TEPSIN: variants seen among roughly 807,000 people sequenced by gnomAD.
TEPSIN encodes the protein AP-4 complex accessory subunit tepsin.
In TEPSIN, 50 loss-of-function variants were observed where a neutral mutation model predicts 48.5. The ratio of observed to expected loss-of-function variants is 1.03; its 90% confidence interval spans 0.82 to 1.31. TEPSIN has a LOEUF of 1.31. TEPSIN is among the 50% of genes most tolerant of loss of function. The probability of loss-of-function intolerance (pLI) is 0.00; values close to 1 mark genes in which losing one functional copy is unlikely to be tolerated. For synonymous variants in TEPSIN, 392 were observed against 358.8 expected (o/e 1.09, Z -1.05); for missense variants, 838 against 815.9 (o/e 1.03, Z -0.33).
intron 4 of TEPSIN, among the ~76,000 whole-genome samples, chr17:81,235,447 C>A (rs2062704187): frequency 1.3e-5 from 2 of 152,222 alleles, no homozygotes; most frequent in Admixed American, 1.3e-4. Context: ...CTGTGTGTCA[C>A]CCAGGGCCAG....
intron 1 of TEPSIN, chr17:81,238,533 TCC>T: frequency 1.2e-6 from 1 of 832,496 alleles, no homozygotes; most frequent in East Asian, 1.0e-4. Flanking sequence ...TCCTTCTCTG[TCC>T]CTTCGAGACG....
Position 81,233,420 on chromosome 17 carries a change from CT to C in TEPSIN, c.526+11del. 1.2e-6 allele frequency: 2 copies of C among 1,609,988 alleles called. No homozygotes were observed. Among genetic ancestry groups the C allele is most frequent in the Non-Finnish European group, 1.7e-6 (2 of 1,179,372 alleles). ...TGAGATGCCAGAGCCCATGCAGGCC[CT>C]CCCCACTCACCCGTGCGGCCGTGTT... On this transcript the variant is annotated intron_variant, in intron 7 of 12. Coordinates refer to ENST00000637944, the MANE Select transcript of TEPSIN (RefSeq NM_001363764.2). The surrounding 1 kb of genome is among the most constrained non-coding windows in gnomAD (Gnocchi z 5.8).
intron 4 of TEPSIN, among the ~76,000 whole-genome samples, chr17:81,235,715 TA>T (rs2062708548): frequency 6.6e-6 from 1 of 151,914 alleles, no homozygotes; most frequent in Non-Finnish European, 1.5e-5. Flanking sequence ...ATGGTGAGGA[TA>T]AATGGCTGGT....
In TEPSIN at chr17:81,229,456, G is replaced by T. The variant is rs1019124065; in HGVS notation, c.1254C>A (p.Ala418=). The change falls in exon 13 of 13, where the codon GCC becomes GCA. Residue 418 remains alanine (A), a synonymous_variant. Coordinates refer to ENST00000637944, the MANE Select transcript of TEPSIN (RefSeq NM_001363764.2). The part of the protein sequence containing the change: ...KATKILRHFE[A]SCGQLSPARG... Reference sequence around the variant, plus strand: ...GGGCAGGGGACAGCTGCCCACAGGAGGCCTCAAAGTGCCTCAGGATCTGAA... The same window carrying T: ...GGGCAGGGGACAGCTGCCCACAGGATGCCTCAAAGTGCCTCAGGATCTGAA... The T allele has an allele frequency of 1.3e-6, 2 of 1,549,532 alleles. No homozygotes were observed. The highest frequency in any genetic ancestry group is 1.2e-5 in the South Asian group (1 of 83,976).
In TEPSIN at chr17:81,228,883, C is replaced by T; in HGVS notation, c.*45G>A. The T allele has an allele frequency of 6.2e-7, 1 of 1,607,202 alleles. No homozygotes were observed. The highest frequency in any genetic ancestry group is 8.5e-7 in the Non-Finnish European group (1 of 1,178,054). On this transcript the variant is annotated 3_prime_UTR_variant, in exon 13 of 13. Transcript: ENST00000637944. ...GGCTGCTCAGGAAGCACAGACCGCC[C>T]CAGACAGCAGCTGAAGCTGAAGACT...
chr17:81,229,739 C>T, intron 12 of TEPSIN: 2 of 520,230 alleles, frequency 3.8e-6, no homozygotes, highest in South Asian at 2.6e-5. Flanking sequence ...CACTACTAGA[C>T]AAATGGACAC....
At chr17:81,237,588 G>T in intron 1 of TEPSIN, 129 bp from the exon 2 acceptor site, 1 of 992,012 alleles carries the variant, frequency 1.0e-6, no homozygotes, top group Non-Finnish European at 1.5e-6. Context: ...GGACTGGGAA[G>T]GGATGAGAAC....
rs1488161506 is a variant in TEPSIN at position 81,228,702 on chromosome 17, G to C, written c.*226C>G. The C allele has an allele frequency of 5.0e-6, 3 of 603,616 alleles. No homozygotes were observed. Among genetic ancestry groups the C allele is most frequent in the Non-Finnish European group, 5.7e-6 (2 of 350,426 alleles). The allele number at this position is 603,616 out of a possible 1,614,324, so 37.4% of individuals were successfully genotyped here. On this transcript the variant is annotated 3_prime_UTR_variant, in exon 13 of 13. Transcript: ENST00000637944. ...AGGGACTGCCCCCTGAGAGCCCTGAGATCGACATTTCTGAAGCCCTGCCAC... is the reference window on the plus strand; with the variant it reads ...AGGGACTGCCCCCTGAGAGCCCTGACATCGACATTTCTGAAGCCCTGCCAC...
At chr17:81,238,165 G>T (rs1157212607) in intron 1 of TEPSIN, 4 of 985,618 alleles carry the variant, frequency 4.1e-6, no homozygotes, top group Non-Finnish European at 4.8e-6. Context: ...GAGATCTAGT[G>T]ACAACATACG....
chr17:81,231,533 A>C (rs1433107810), intron 10 of TEPSIN, 45 bp downstream of exon 10: 2 of 1,590,012 alleles, frequency 1.3e-6, no homozygotes, highest in African/African-American at 2.7e-5. Context: ...TCCCTCGCCC[A>C]CGGTTGGGGC....
Position 81,228,912 on chromosome 17 carries a change from G to A in TEPSIN, c.*16C>T. 1.2e-6 allele frequency: 2 copies of A among 1,612,110 alleles called. No individual in the cohort carries two copies. Among genetic ancestry groups the A allele is most frequent in the Non-Finnish European group, 1.7e-6 (2 of 1,179,936 alleles). Reference sequence around the variant, plus strand: ...ACAGCAGCTGAAGCTGAAGACTCCAGGGCCAGGCCATCGGGTCAGGCGTTC... The same window carrying A: ...ACAGCAGCTGAAGCTGAAGACTCCAAGGCCAGGCCATCGGGTCAGGCGTTC... On this transcript the variant is annotated 3_prime_UTR_variant, in exon 13 of 13. Transcript: ENST00000637944.
At chr17:81,237,097 G>A (rs2062737186) in intron 2 of TEPSIN, 26 bp from the exon 3 acceptor site, 5 of 1,562,282 alleles carry the variant, frequency 3.2e-6, no homozygotes, top group Non-Finnish European at 8.7e-7. Flanking sequence ...GTTAGGGAAG[G>A]GCGAGATGAT....
intron 4 of TEPSIN, among the ~76,000 whole-genome samples, chr17:81,235,831 C>T (rs957448983): frequency 6.6e-6 from 1 of 152,260 alleles, no homozygotes; most frequent in African/African-American, 2.4e-5. Context: ...TGTGTCACAA[C>T]TGTCTATGGC....
Position 81,233,076 on chromosome 17 carries a change from C to T in TEPSIN, c.526+356G>A. The T allele has an allele frequency of 2.8e-6, 1 of 362,258 alleles. No homozygotes were observed. Among genetic ancestry groups the T allele is most frequent in the Non-Finnish European group, 5.1e-6 (1 of 196,628 alleles). The allele number at this position is 362,258 out of a possible 1,614,324, so 22.4% of individuals were successfully genotyped here. On this transcript the variant is annotated intron_variant, in intron 7 of 12. Coordinates refer to ENST00000637944, the MANE Select transcript of TEPSIN (RefSeq NM_001363764.2). The surrounding 1 kb of genome is among the most constrained non-coding windows in gnomAD (Gnocchi z 5.8). ...GGTGAGCAGTTGTCCACTGGTACTG[C>T]CCCACCTCATAACAGCTCCACACGG...
intron 1 of TEPSIN, chr17:81,237,697 G>C (rs1441188040): frequency 1.7e-6 from 1 of 580,610 alleles, no homozygotes; most frequent in Non-Finnish European, 3.0e-6. Flanking sequence ...GTTCTCCACG[G>C]AGGAGCTGCG....
In TEPSIN at chr17:81,229,223, G is replaced by A. The variant is rs1245087335; in HGVS notation, c.1487C>T (p.Pro496Leu). 6.2e-7 allele frequency: 1 copy of A among 1,602,904 alleles called. No homozygotes were observed. Among genetic ancestry groups the A allele is most frequent in the East Asian group, 2.2e-5 (1 of 44,480 alleles). The change falls in exon 13 of 13, where the codon CCC becomes CTC. Residue 496 changes from proline to leucine, a missense_variant. Pro to Leu is a moderately conservative substitution (Grantham distance 98). Transcript: ENST00000637944. ...GGCCTCGGCCTCGCTGGGGTCTCCG[G>A]GGGCTGGAATGGGGGAGGCATCTGG... The part of the protein sequence containing the change: ...PPPDASPIPA[P>L]GDPSEAEARL...
chr17:81,238,475 G>A (rs974376648), intron 1 of TEPSIN: 6 of 434,484 alleles, frequency 1.4e-5, no homozygotes, highest in Admixed American at 6.4e-5. Flanking sequence ...AACTCGCCCC[G>A]GCCTCTACTT....
At position 81,233,521 on chromosome 17, in the gene TEPSIN, T is replaced by A; in HGVS notation, c.455-18A>T. 1 of 1,583,250 alleles carries A rather than the reference T, an allele frequency of 6.3e-7. No homozygotes were observed. Among genetic ancestry groups the A allele is most frequent in the Non-Finnish European group, 8.6e-7 (1 of 1,162,300 alleles). ...GCCCATGCCTGCAGAGGGTCCTCCG[T>A]TAGCAGCAAGCCGGCCCCCACCCTC... On this transcript the variant is annotated intron_variant, in intron 6 of 12. Coordinates refer to ENST00000637944, the MANE Select transcript of TEPSIN (RefSeq NM_001363764.2). The surrounding 1 kb of genome is among the most constrained non-coding windows in gnomAD (Gnocchi z 5.8).
chr17:81,237,132 G>T, intron 2 of TEPSIN, 61 bp from the exon 3 acceptor site: 1 of 1,501,052 alleles, frequency 6.7e-7, no homozygotes, highest in South Asian at 1.2e-5. Context: ...GCCGCAGGGA[G>T]ACCAGGCCAT....
Sources: allele counts gnomAD v4.1 joint callset (sites outside exome capture counted in the v4.1 genomes callset), GRCh38; gene constraint gnomAD v4.1.1; non-coding constraint Gnocchi (gnomAD v3.1); transcripts MANE v1.5; gene names NCBI Gene and HGNC (gene_info 2026-07-23, HGNC 2026-07-21).